KLF17: variants seen among roughly 807,000 people sequenced by gnomAD.
KLF17 encodes KLF transcription factor 17.
A neutral mutation model predicts 34.2 loss-of-function variants in KLF17; 31 were observed. The observed-to-expected ratio is 0.91, with a 90% confidence interval of 0.68 to 1.22. KLF17 has a LOEUF of 1.22. Among genes scored for constraint, KLF17 ranks in the 50% most tolerant of loss-of-function variants. KLF17 has a pLI of 0.00. For synonymous variants in KLF17, 179 were observed against 186.7 expected (o/e 0.96, Z 0.34); for missense variants, 478 against 505.2 (o/e 0.95, Z 0.52).
chr1:44,111,924 G>T, the KLF17 span, among the ~76,000 whole-genome samples: 6 of 152,094 alleles, frequency 3.9e-5, no homozygotes, highest in South Asian at 1.2e-3. Flanking sequence ...AGAAATAAAC[G>T]TTGGTACAAT....
chr1:44,130,171 C>T lies in KLF17; in HGVS notation c.900C>T (p.Leu300=), dbSNP rs1359180529. ...CGKAYTKRSH[L]VSHQRKHTGE... ...AAGCTTATACCAAACGCTCCCACCTCGTGAGCCACCAGCGCAAGCACACAG... is the reference window on the plus strand; with the variant it reads ...AAGCTTATACCAAACGCTCCCACCTTGTGAGCCACCAGCGCAAGCACACAG... The change falls in exon 2 of 4, where the codon CTC becomes CTT. Residue 300 remains leucine (L), a synonymous_variant. Coordinates refer to ENST00000372299, the MANE Select transcript of KLF17 (RefSeq NM_173484.4). 8.1e-6 allele frequency: 13 copies of T among 1,612,910 alleles called. No homozygotes were observed. Among genetic ancestry groups the T allele is most frequent in the Admixed American group, 1.7e-5 (1 of 59,886 alleles).
chr1:44,091,095 T>C, the KLF17 span, among the ~76,000 whole-genome samples: 2 of 152,192 alleles, frequency 1.3e-5, no homozygotes, highest in Non-Finnish European at 2.9e-5. Context: ...ACATTTACTA[T>C]ATTCAATATT....
the KLF17 span, among the ~76,000 whole-genome samples, chr1:44,097,101 T>C: frequency 6.6e-6 from 1 of 152,308 alleles, no homozygotes; most frequent in East Asian, 1.9e-4. Flanking sequence ...TCCCCATTGT[T>C]TGTTTTTGTC....
the KLF17 span, among the ~76,000 whole-genome samples, chr1:44,055,612 G>A: frequency 6.6e-6 from 1 of 152,106 alleles, no homozygotes; most frequent in African/African-American, 2.4e-5. Flanking sequence ...TGCTCTTCCC[G>A]CCACATATTG....
At chr1:44,063,864 A>G in the KLF17 span, among the ~76,000 whole-genome samples, 1 of 152,148 alleles carries the variant, frequency 6.6e-6, no homozygotes, top group South Asian at 2.1e-4. Flanking sequence ...AGTAAGGGAG[A>G]CTTGAGTTTG....
the KLF17 span, among the ~76,000 whole-genome samples, chr1:44,055,089 T>TC: frequency 6.6e-6 from 1 of 152,152 alleles, no homozygotes; most frequent in African/African-American, 2.4e-5. Context: ...CAGTGTGCCT[T>TC]CTGTAAACAA....
chr1:44,071,440 TAA>T, the KLF17 span, among the ~76,000 whole-genome samples: 3 of 152,132 alleles, frequency 2.0e-5, no homozygotes, highest in Admixed American at 1.3e-4. Flanking sequence ...TTAAATTCAC[TAA>T]GTCCAAAATT....
At chr1:44,068,296 G>A in the KLF17 span, among the ~76,000 whole-genome samples, 128 of 152,280 alleles carry the variant, frequency 8.4e-4, 1 homozygote, top group South Asian at 0.015. Context: ...GGGATTACAG[G>A]TGTGAGCCAC....
the KLF17 span, among the ~76,000 whole-genome samples, chr1:44,087,252 TTTTG>T: frequency 2.0e-5 from 3 of 152,050 alleles, no homozygotes; most frequent in Non-Finnish European, 2.9e-5. Flanking sequence ...TTGTCATCTT[TTTTG>T]TTTGTTTGTT....
At chr1:44,108,147 T>G in the KLF17 span, among the ~76,000 whole-genome samples, 1 of 152,312 alleles carries the variant, frequency 6.6e-6, no homozygotes, top group East Asian at 1.9e-4. Context: ...CGTGTAGAGC[T>G]TCTTTCTTTC....
chr1:44,117,833 C>T (rs1005390029), upstream of KLF17, among the ~76,000 whole-genome samples: 3 of 152,154 alleles, frequency 2.0e-5, no homozygotes, highest in Non-Finnish European at 4.4e-5. Context: ...CTCTGCACCC[C>T]TCTGGCCCTT....
chr1:44,076,229 AC>A, the KLF17 span: 2 of 152,252 alleles, frequency 1.3e-5, no homozygotes, highest in Non-Finnish European at 2.9e-5. Flanking sequence ...ACTAATGGGA[AC>A]AGGAAAAGGG....
chr1:44,059,742 C>T, the KLF17 span, among the ~76,000 whole-genome samples: 32 of 151,988 alleles, frequency 2.1e-4, no homozygotes, highest in Middle Eastern at 3.4e-3. Flanking sequence ...CTTTTGCATC[C>T]ACTGTTGTGT....
the KLF17 span, among the ~76,000 whole-genome samples, chr1:44,095,696 T>C: frequency 6.6e-6 from 1 of 152,228 alleles, no homozygotes; most frequent in African/African-American, 2.4e-5. Context: ...ATTTATTTCA[T>C]AAATGTTTTA....
the KLF17 span, among the ~76,000 whole-genome samples, chr1:44,111,826 G>GA: frequency 2.0e-5 from 3 of 152,182 alleles, no homozygotes; most frequent in Non-Finnish European, 4.4e-5. Flanking sequence ...CCTGGAGGCA[G>GA]AGCTTGCAGT....
intron 1 of KLF17, among the ~76,000 whole-genome samples, chr1:44,119,482 T>C (rs1430533780): frequency 6.6e-6 from 1 of 151,390 alleles, no homozygotes; most frequent in Non-Finnish European, 1.5e-5. Context: ...GGAAATACAA[T>C]GATGAATTTA....
At chr1:44,074,339 C>T in the KLF17 span, among the ~76,000 whole-genome samples, 48 of 152,156 alleles carry the variant, frequency 3.2e-4, no homozygotes, top group Admixed American at 2.0e-4. Context: ...AACATCCCCT[C>T]TCCTCATCCT....
chr1:44,122,616 A>G, intron 1 of KLF17: 4 of 669,290 alleles, frequency 6.0e-6, no homozygotes, highest in Non-Finnish European at 1.1e-5. Context: ...TTTTTTTGAG[A>G]TAGAGTCTCA....
chr1:44,112,851 A>C, the KLF17 span, among the ~76,000 whole-genome samples: 21 of 152,362 alleles, frequency 1.4e-4, no homozygotes, highest in African/African-American at 5.1e-4. Flanking sequence ...GTTCATGTCT[A>C]TCTACCTCTT....
Sources: allele counts gnomAD v4.1 joint callset (sites outside exome capture counted in the v4.1 genomes callset), GRCh38; gene constraint gnomAD v4.1.1; transcripts MANE v1.5; gene names NCBI Gene and HGNC (gene_info 2026-07-23, HGNC 2026-07-21).